The following UPRT variants were observed in gnomAD, a reference collection of about 807,000 sequenced individuals.
The protein encoded by UPRT is RP11-311P8.3.
In UPRT, 5 loss-of-function variants were observed where a neutral mutation model predicts 22.6. That is an observed-to-expected ratio of 0.22 (90% CI 0.12 to 0.47). UPRT has a LOEUF of 0.47. UPRT is among the 20% of genes least tolerant of loss of function. UPRT has a pLI of 0.99. For missense variants in UPRT, 181 were observed against 239.9 expected (o/e 0.75, Z 1.62); for synonymous variants, 77 against 87.7 (o/e 0.88, Z 0.68).
At chrX:75,156,926 C>CACACACACACAGAG (rs748263766) in intron 1 of UPRT, among the ~76,000 whole-genome samples, 28 of 108,982 alleles carry the variant, frequency 2.6e-4, no homozygotes, top group African/African-American at 8.7e-4. Context: ...CACACACACA[C>CACACACACACAGAG]AGAGAGACTA....
At chrX:75,194,900 G>T (rs978894114) in intron 4 of UPRT, among the ~76,000 whole-genome samples, 2 of 110,756 alleles carry the variant, frequency 1.8e-5, no homozygotes, top group Non-Finnish European at 3.8e-5. Context: ...CAGTATGGGG[G>T]TGGGGAGCTG....
intron 2 of UPRT, among the ~76,000 whole-genome samples, chrX:75,161,845 C>T (rs1293706777): frequency 2.7e-5 from 3 of 111,718 alleles, no homozygotes; most frequent in Non-Finnish European, 5.6e-5. Context: ...TGTGTCAATA[C>T]CACCTGTAGG....
At chrX:75,263,962 C>T (rs1269861199) in intron 4 of UPRT, among the ~76,000 whole-genome samples, 2 of 110,392 alleles carry the variant, frequency 1.8e-5, no homozygotes, top group African/African-American at 6.5e-5. Flanking sequence ...TTTCTGCCTT[C>T]ATTTCGTTAT....
intron 4 of UPRT, among the ~76,000 whole-genome samples, chrX:75,191,291 G>A (rs1180747553): frequency 1.8e-5 from 2 of 112,230 alleles, no homozygotes; most frequent in Non-Finnish European, 3.8e-5. Context: ...TGCAGAACGC[G>A]AATATTGCTG....
chrX:75,224,526 T>C (rs5981818), intron 4 of UPRT, among the ~76,000 whole-genome samples: 3,515 of 111,213 alleles, frequency 0.032, 148 homozygotes, highest in African/African-American at 0.11. Context: ...GTTTTGAGTA[T>C]TCCACAGTTA....
chrX:75,242,633 T>G (rs2082491989), intron 4 of UPRT, among the ~76,000 whole-genome samples: 1 of 108,210 alleles, frequency 9.2e-6, no homozygotes, highest in South Asian at 4.0e-4. Context: ...AATCAATAGA[T>G]CTGTTTTCTT....
intron 4 of UPRT, among the ~76,000 whole-genome samples, chrX:75,243,480 T>C (rs2082494606): frequency 9.0e-6 from 1 of 111,565 alleles, no homozygotes; most frequent in African/African-American, 3.2e-5. Flanking sequence ...GGATTGGCAA[T>C]CCTCAAGTTT....
chrX:75,238,154 C>T (rs992385583), intron 4 of UPRT, among the ~76,000 whole-genome samples: 3 of 110,924 alleles, frequency 2.7e-5, no homozygotes, highest in African/African-American at 9.8e-5. Context: ...ATGCAAATGG[C>T]CCTAAATGCT....
intron 4 of UPRT, among the ~76,000 whole-genome samples, chrX:75,185,596 G>A (rs866161475): frequency 1.1e-4 from 12 of 112,011 alleles, no homozygotes; most frequent in Non-Finnish European, 1.1e-4. Context: ...AGAAGGAATG[G>A]TACCAGTTCC....
intron 4 of UPRT, among the ~76,000 whole-genome samples, chrX:75,223,058 A>G (rs759940114): frequency 4.3e-4 from 47 of 109,580 alleles, no homozygotes; most frequent in African/African-American, 1.4e-3. Flanking sequence ...CAGTTGATGA[A>G]TCTTTTGTGG....
chrX:75,184,917 T>C (rs1263651225), intron 4 of UPRT, among the ~76,000 whole-genome samples: 1 of 111,622 alleles, frequency 9.0e-6, no homozygotes, highest in African/African-American at 3.3e-5. Context: ...AAGGAGATTT[T>C]GGGCTCACAC....
chrX:75,223,621 C>G (rs1053299605), intron 4 of UPRT, among the ~76,000 whole-genome samples: 2 of 111,438 alleles, frequency 1.8e-5, no homozygotes, highest in Non-Finnish European at 3.8e-5. Context: ...ACTGACAGGA[C>G]AGAAGTAAGT....
At chrX:75,231,814 T>C (rs2082439289) in intron 4 of UPRT, among the ~76,000 whole-genome samples, 1 of 111,859 alleles carries the variant, frequency 8.9e-6, no homozygotes, top group African/African-American at 3.3e-5. Context: ...TTAAACAAAT[T>C]ATCAGTAATT....
Position 75,181,325 on chromosome X carries a change from A to G in UPRT, c.-447+13446A>G, listed in dbSNP as rs768171194. 8.1e-5 allele frequency among the ~76,000 whole-genome samples: 9 copies of G among 111,431 alleles called. No homozygotes were observed. In the South Asian group the frequency reaches 3.4e-3, roughly 42 times the overall value. ...TTGTTCTTTTTGTTTAGGATTGACT[A>G]TTAAGGCTCTTTTTTGCTTCCATAT... On this transcript the variant is annotated intron_variant, in intron 4 of 13. Transcript: ENST00000652605.
intron 2 of UPRT, chrX:75,294,723 C>T (rs1286763425): frequency 4.2e-5 from 20 of 477,788 alleles, no homozygotes; most frequent in Non-Finnish European, 5.3e-5. Context: ...GGTTGACATT[C>T]CTGGAGCAAT....
chrX:75,169,110 C>A (rs192598035), intron 4 of UPRT, among the ~76,000 whole-genome samples: 6 of 111,833 alleles, frequency 5.4e-5, no homozygotes, highest in African/African-American at 2.0e-4. Context: ...GCCATTAATT[C>A]GTTCCGTTTT....
At chrX:75,193,605 T>C (rs1298884864) in intron 4 of UPRT, among the ~76,000 whole-genome samples, 1 of 111,728 alleles carries the variant, frequency 9.0e-6, no homozygotes, top group African/African-American at 3.3e-5. Flanking sequence ...ATAGATTGGG[T>C]CTCTTTACAT....
intron 4 of UPRT, among the ~76,000 whole-genome samples, chrX:75,209,118 G>T (rs928658941): frequency 9.0e-6 from 1 of 111,605 alleles, no homozygotes; most frequent in African/African-American, 3.3e-5. Context: ...TGTGCCTAGA[G>T]GGGAGTTTAT....
intron 4 of UPRT, among the ~76,000 whole-genome samples, chrX:75,184,799 G>T (rs2082283786): frequency 1.8e-5 from 2 of 111,296 alleles, no homozygotes; most frequent in African/African-American, 6.5e-5. Context: ...TGTGAATGGA[G>T]TTCACTCATG....
Sources: allele counts gnomAD v4.1 joint callset (sites outside exome capture counted in the v4.1 genomes callset), GRCh38; gene constraint gnomAD v4.1.1; transcripts MANE v1.5; gene names NCBI Gene and HGNC (gene_info 2026-07-23, HGNC 2026-07-21).